FOXN2: variants seen among roughly 807,000 people sequenced by gnomAD.
FOXN2 encodes the protein forkhead box protein N2.
A neutral mutation model predicts 41.2 loss-of-function variants in FOXN2; 19 were observed. The ratio of observed to expected loss-of-function variants is 0.46; its 90% confidence interval spans 0.32 to 0.68. FOXN2 has a LOEUF of 0.68. FOXN2 is among the 30% of genes least tolerant of loss of function. The probability of loss-of-function intolerance (pLI) is 0.03; values close to 1 mark genes in which losing one functional copy is unlikely to be tolerated. For synonymous variants in FOXN2, 195 were observed against 176.8 expected (o/e 1.10, Z -0.82); for missense variants, 587 against 509.4 (o/e 1.15, Z -1.47).
intron 2 of FOXN2, among the ~76,000 whole-genome samples, chr2:48,345,800 A>G (rs1336577812): frequency 6.6e-6 from 1 of 152,196 alleles, no homozygotes; most frequent in Non-Finnish European, 1.5e-5. Context: ...AACTATTTGT[A>G]TATAGTAAAA....
At chr2:48,374,278 G>C (rs1435990734) in intron 6 of FOXN2, among the ~76,000 whole-genome samples, 1 of 152,106 alleles carries the variant, frequency 6.6e-6, no homozygotes, top group Non-Finnish European at 1.5e-5. Context: ...ATATATGTGG[G>C]CAATACACAT....
intron 4 of FOXN2, among the ~76,000 whole-genome samples, chr2:48,361,095 A>G (rs1672145307): frequency 6.6e-6 from 1 of 152,004 alleles, no homozygotes; most frequent in Non-Finnish European, 1.5e-5. Context: ...TCTTTGATAT[A>G]TTGTATTTTC....
At chr2:48,319,153 C>CT (rs201975434) in intron 1 of FOXN2, among the ~76,000 whole-genome samples, 27,059 of 143,648 alleles carry the variant, frequency 0.19, 2,630 homozygotes, top group Admixed American at 0.25. Context: ...ACTCAAAAGC[C>CT]TTTTTTTTTT....
rs1558625543 is a variant in FOXN2 at position 48,346,299 on chromosome 2, A to C, written c.85A>C (p.Lys29Gln). The change falls in exon 3 of 7, where the codon AAA becomes CAA. Residue 29 changes from lysine to glutamine, a missense_variant. Transcript: ENST00000340553. ...EKIAGLSQIY[K>Q]MGSLPEAVDA... The stretch of plus-strand genomic sequence containing the variant: ...GATTGCAGGATTAAGCCAGATTTAC[A>C]AAATGGGAAGCTTGCCTGAAGCTGT... The C allele has an allele frequency of 2.5e-6, 4 of 1,614,222 alleles. No homozygotes were observed. In the South Asian group the frequency reaches 4.4e-5, roughly 18 times the overall value.
intron 2 of FOXN2, among the ~76,000 whole-genome samples, chr2:48,338,000 T>C (rs146133432): frequency 1.6e-4 from 25 of 152,282 alleles, no homozygotes; most frequent in African/African-American, 5.8e-4. Flanking sequence ...AATGGACATA[T>C]ATTTCATCCA....
At chr2:48,336,141 C>T (rs915921617) in intron 2 of FOXN2, among the ~76,000 whole-genome samples, 21 of 151,948 alleles carry the variant, frequency 1.4e-4, no homozygotes, top group South Asian at 4.1e-4. Context: ...CGGTGGCTCA[C>T]GCCTGTGATA....
chr2:48,364,941 A>C (rs1033417552), intron 5 of FOXN2, among the ~76,000 whole-genome samples: 1 of 152,200 alleles, frequency 6.6e-6, no homozygotes, highest in Non-Finnish European at 1.5e-5. Flanking sequence ...TTTCTCCTGT[A>C]GGTTATTTAA....
At chr2:48,341,246 G>T (rs971863679) in intron 2 of FOXN2, among the ~76,000 whole-genome samples, 1 of 152,018 alleles carries the variant, frequency 6.6e-6, no homozygotes, top group African/African-American at 2.4e-5. Flanking sequence ...TGCTGTGCTA[G>T]TGAATGTTTT....
intron 2 of FOXN2, among the ~76,000 whole-genome samples, chr2:48,329,411 A>G (rs1052212235): frequency 1.3e-5 from 2 of 152,038 alleles, no homozygotes; most frequent in Non-Finnish European, 2.9e-5. Flanking sequence ...GAGTTGGAGA[A>G]GGTTTTCCCC....
chr2:48,332,781 A>G (rs1046704287), intron 2 of FOXN2, among the ~76,000 whole-genome samples: 2 of 152,096 alleles, frequency 1.3e-5, no homozygotes, highest in Non-Finnish European at 2.9e-5. Context: ...CCTCTGTTCT[A>G]AGTGCTTTAT....
Position 48,376,519 on chromosome 2 carries a change from A to G in FOXN2, c.*1076A>G, listed in dbSNP as rs115448144. On this transcript the variant is annotated 3_prime_UTR_variant, in exon 7 of 7. Transcript: ENST00000340553. ...GATTTAATGCAATTTTACAGACACA[A>G]TACCTTCATGAATTTCAAAATTCAT... 1.3e-5 allele frequency: 2 copies of G among 152,630 alleles called. No homozygotes were observed. Among genetic ancestry groups the G allele is most frequent in the African/African-American group, 2.4e-5 (1 of 41,566 alleles). The allele number at this position is 152,630 out of a possible 1,614,324, so 9.5% of individuals were successfully genotyped here.
intron 5 of FOXN2, among the ~76,000 whole-genome samples, chr2:48,364,138 A>G (rs1672376328): frequency 2.0e-5 from 3 of 152,196 alleles, no homozygotes; most frequent in Admixed American, 6.5e-5. Flanking sequence ...AACAAGTATT[A>G]TGTATTTATT....
At chr2:48,314,445 AC>A (rs1285987142), upstream of FOXN2, among the ~76,000 whole-genome samples, 1 of 150,380 alleles carries the variant, frequency 6.6e-6, no homozygotes, top group Non-Finnish European at 1.5e-5. Context: ...CCTGCATTTC[AC>A]CCCCACCCCA....
rs1021886148 is a variant in FOXN2, at chr2:48,378,124, C to G, written c.*2681C>G. 6.6e-6 allele frequency: 1 copy of G among 152,364 alleles called. No individual in the cohort carries two copies. Among genetic ancestry groups the G allele is most frequent in the Non-Finnish European group, 1.5e-5 (1 of 67,890 alleles). The allele number at this position is 152,364 out of a possible 1,614,324, so 9.4% of individuals were successfully genotyped here. On this transcript the variant is annotated 3_prime_UTR_variant, in exon 7 of 7. Transcript: ENST00000340553. Reference sequence around the variant, plus strand: ...AGATCCCTAGTAAAAAGCTTTGATTCAACACAATTGTTCATCTTCACATCC... The same window carrying G: ...AGATCCCTAGTAAAAAGCTTTGATTGAACACAATTGTTCATCTTCACATCC...
chr2:48,314,941 C>T (rs1359860007), intron 1 of FOXN2, 127 bp downstream of exon 1: 1 of 151,974 alleles, frequency 6.6e-6, no homozygotes, highest in Non-Finnish European at 1.5e-5. Flanking sequence ...GCGGCTGTCC[C>T]GTGACGCGCC....
rs1330857618 is a variant in FOXN2 at position 48,379,291 on chromosome 2, C to G, written c.*3848C>G. Reference sequence around the variant, plus strand: ...TTGCATAATAAATTTTGTTTTATAACTTTTTTTGTGCTTTCTCTGATCTTT... The same window carrying G: ...TTGCATAATAAATTTTGTTTTATAAGTTTTTTTGTGCTTTCTCTGATCTTT... On this transcript the variant is annotated 3_prime_UTR_variant, in exon 7 of 7. Coordinates refer to ENST00000340553, the MANE Select transcript of FOXN2 (RefSeq NM_002158.4). The G allele has an allele frequency of 6.6e-6, 1 of 152,524 alleles. No individual in the cohort carries two copies. Among genetic ancestry groups the G allele is most frequent in the East Asian group, 1.9e-4 (1 of 5,186 alleles). 9.4% of individuals were successfully genotyped at this position (152,524 alleles called of 1,614,324 possible). A position where few individuals can be genotyped will look rare whatever the true frequency, so the allele number is the denominator to read the frequency against.
chr2:48,320,963 G>A (rs1379048695), intron 1 of FOXN2, among the ~76,000 whole-genome samples: 1 of 152,070 alleles, frequency 6.6e-6, no homozygotes, highest in Non-Finnish European at 1.5e-5. Flanking sequence ...TTGGTGGCTG[G>A]TGGGTCAGTT....
chr2:48,368,687 G>A (rs1672690899), intron 5 of FOXN2, among the ~76,000 whole-genome samples: 1 of 152,148 alleles, frequency 6.6e-6, no homozygotes, highest in African/African-American at 2.4e-5. Flanking sequence ...GTGAGACCCT[G>A]TTGATAAATA....
chr2:48,359,996 A>C (rs190577363), intron 4 of FOXN2, among the ~76,000 whole-genome samples: 14 of 152,182 alleles, frequency 9.2e-5, no homozygotes, highest in African/African-American at 3.1e-4. Context: ...CAAGTCTAAA[A>C]TTTTTAAATG....
Sources: allele counts gnomAD v4.1 joint callset (sites outside exome capture counted in the v4.1 genomes callset), GRCh38; gene constraint gnomAD v4.1.1; transcripts MANE v1.5; gene names NCBI Gene and HGNC (gene_info 2026-07-23, HGNC 2026-07-21).